B3GALT1: variants seen among roughly 807,000 people sequenced by gnomAD.
B3GALT1 encodes UDP-Gal:betaGlcNAc beta 1,3-galactosyltransferase, polypeptide 1.
Under a neutral mutation model 23.2 loss-of-function variants are expected in B3GALT1, and 10 were observed. The observed-to-expected ratio is 0.43, with a 90% CI of 0.27 to 0.73. The LOEUF is 0.73. B3GALT1 is among the 30% of genes least tolerant of loss of function. The pLI, the probability that B3GALT1 is intolerant of heterozygous loss-of-function variation, is 0.21. For missense variants in B3GALT1, 299 were observed against 405.4 expected, an observed-to-expected ratio of 0.74 and a Z score of 2.25; for synonymous variants, 156 against 141.5, an observed-to-expected ratio of 1.10 and a Z score of -0.73.
intron 2 of B3GALT1, among the ~76,000 whole-genome samples, chr2:167,609,826 AC>A (rs1685027815): frequency 6.6e-6 from 1 of 152,144 alleles, no homozygotes; most frequent in Admixed American, 6.6e-5. Flanking sequence ...TTGTTGCATT[AC>A]CAACCACCAT....
At chr2:167,862,463 C>T (rs910093165) in intron 4 of B3GALT1, among the ~76,000 whole-genome samples, 6 of 152,194 alleles carry the variant, frequency 3.9e-5, no homozygotes, top group Non-Finnish European at 7.3e-5. Context: ...AGGTGATGCT[C>T]ATTTACATTG....
At chr2:167,709,899 T>C (rs145994195) in intron 3 of B3GALT1, among the ~76,000 whole-genome samples, 1 of 152,302 alleles carries the variant, frequency 6.6e-6, no homozygotes, top group African/African-American at 2.4e-5. Context: ...TAAGTAAATA[T>C]GTGAAAATCA....
At chr2:167,556,908 A>AT (rs1683862728) in intron 2 of B3GALT1, among the ~76,000 whole-genome samples, 1 of 152,196 alleles carries the variant, frequency 6.6e-6, no homozygotes, top group African/African-American at 2.4e-5. Context: ...AGGTAATGTT[A>AT]TGTCTGTTCT....
intron 3 of B3GALT1, among the ~76,000 whole-genome samples, chr2:167,751,234 A>T (rs1037502593): frequency 9.9e-5 from 15 of 152,216 alleles, no homozygotes; most frequent in African/African-American, 3.6e-4. Context: ...TTCCTGACAC[A>T]TAATACAGAG....
intron 3 of B3GALT1, among the ~76,000 whole-genome samples, chr2:167,800,080 G>T (rs1007317404): frequency 2.0e-5 from 3 of 152,164 alleles, no homozygotes; most frequent in Admixed American, 6.6e-5. Flanking sequence ...AATAGGACCT[G>T]ACATGAATCT....
chr2:167,295,605 A>T (rs1477872207), intron 1 of B3GALT1, among the ~76,000 whole-genome samples: 1 of 152,244 alleles, frequency 6.6e-6, no homozygotes, highest in Non-Finnish European at 1.5e-5. Flanking sequence ...AGTACTAAAA[A>T]TGGAACTTCT....
At chr2:167,466,883 T>A in intron 1 of B3GALT1, among the ~76,000 whole-genome samples, 1 of 96,116 alleles carries the variant, frequency 1.0e-5, no homozygotes, top group East Asian at 3.2e-4. Flanking sequence ...TGGCTAATTT[T>A]TTTTTTTTTT....
chr2:167,713,343 TTTAA>T (rs1029051599), intron 3 of B3GALT1, among the ~76,000 whole-genome samples: 22 of 152,208 alleles, frequency 1.4e-4, no homozygotes, highest in East Asian at 3.8e-4. Context: ...TTTTAATTGT[TTTAA>T]TTAATTATTA....
chr2:167,652,732 GC>G, intron 3 of B3GALT1, among the ~76,000 whole-genome samples: 1 of 152,214 alleles, frequency 6.6e-6, no homozygotes. Flanking sequence ...TATAATAGGT[GC>G]TTTTTCAGGC....
At chr2:167,416,338 C>G (rs758182488) in intron 1 of B3GALT1, among the ~76,000 whole-genome samples, 2 of 152,200 alleles carry the variant, frequency 1.3e-5, no homozygotes, top group Non-Finnish European at 2.9e-5. Context: ...CACTGAGCAG[C>G]TCACTGCTTA....
At chr2:167,642,764 T>G (rs538090423) in intron 2 of B3GALT1, among the ~76,000 whole-genome samples, 3 of 152,308 alleles carry the variant, frequency 2.0e-5, no homozygotes, top group African/African-American at 7.2e-5. Flanking sequence ...TGTTGATATC[T>G]GTCTCCCTCT....
At chr2:167,837,340 A>C (rs1300747602) in intron 4 of B3GALT1, among the ~76,000 whole-genome samples, 4 of 151,282 alleles carry the variant, frequency 2.6e-5, no homozygotes, top group African/African-American at 9.7e-5. Flanking sequence ...AAGATCTACC[A>C]AGCAAATGGA....
At chr2:167,744,312 A>T (rs1687619146) in intron 3 of B3GALT1, among the ~76,000 whole-genome samples, 1 of 152,138 alleles carries the variant, frequency 6.6e-6, no homozygotes, top group Non-Finnish European at 1.5e-5. Flanking sequence ...TTGTATTTGG[A>T]ATCTTTCATT....
chr2:167,516,929 C>T (rs1287298203), intron 2 of B3GALT1, among the ~76,000 whole-genome samples: 1 of 138,048 alleles, frequency 7.2e-6, no homozygotes. Context: ...GCTCATATGA[C>T]ATATAAGTAC....
chr2:167,696,654 G>A (rs1686796339), intron 3 of B3GALT1, among the ~76,000 whole-genome samples: 1 of 152,044 alleles, frequency 6.6e-6, no homozygotes, highest in African/African-American at 2.4e-5. Context: ...TAAAATATTT[G>A]GTCAAATTAT....
intron 3 of B3GALT1, among the ~76,000 whole-genome samples, chr2:167,676,476 T>TAC (rs1392661138): frequency 5.3e-5 from 8 of 149,746 alleles, no homozygotes; most frequent in African/African-American, 2.0e-4. Context: ...ACCTTATATA[T>TAC]ATATACACAC....
At chr2:167,413,580 G>T (rs1698424138) in intron 1 of B3GALT1, among the ~76,000 whole-genome samples, 1 of 151,812 alleles carries the variant, frequency 6.6e-6, no homozygotes, top group South Asian at 2.1e-4. Flanking sequence ...AATGCATTCT[G>T]TTCATCTACT....
At chr2:167,557,025 T>G (rs1683865157) in intron 2 of B3GALT1, among the ~76,000 whole-genome samples, 1 of 152,210 alleles carries the variant, frequency 6.6e-6, no homozygotes, top group Admixed American at 6.5e-5. Flanking sequence ...AACTTGTGTC[T>G]TAAAACTAAA....
At chr2:167,754,992 G>A (rs1687794454) in intron 3 of B3GALT1, among the ~76,000 whole-genome samples, 1 of 152,094 alleles carries the variant, frequency 6.6e-6, no homozygotes, top group Non-Finnish European at 1.5e-5. Flanking sequence ...TTTGATACGT[G>A]TTTTCATTCT....
Sources: allele counts gnomAD v4.1 joint callset (sites outside exome capture counted in the v4.1 genomes callset), GRCh38; gene constraint gnomAD v4.1.1; transcripts MANE v1.5; gene names NCBI Gene and HGNC (gene_info 2026-07-23, HGNC 2026-07-21).